PCDHGA6: variants seen among roughly 807,000 people sequenced by gnomAD.
PCDHGA6 encodes protocadherin gamma subfamily A, 6, also known as protocadherin gamma-A6.
PCDHGA6 carries 41 observed loss-of-function variants against 60.6 expected under a neutral mutation model. The observed-to-expected ratio is 0.68, with a 90% CI of 0.53 to 0.88. PCDHGA6 has a LOEUF of 0.88. Among genes scored for constraint, PCDHGA6 ranks in the 40% least tolerant of loss-of-function variants. The pLI, the probability that PCDHGA6 is intolerant of heterozygous loss-of-function variation, is 0.00. For missense variants in PCDHGA6, 1,312 were observed against 1,203.0 expected (o/e 1.09, Z -1.34); for synonymous variants, 594 against 524.4 (o/e 1.13, Z -1.81).
In PCDHGA6 at chr5:141,430,950, T is replaced by A. The variant is rs756423770; in HGVS notation, c.2424+54443T>A. 7 of 1,609,862 alleles carry A rather than the reference T, an allele frequency of 4.3e-6. No individual in the cohort carries two copies. Among genetic ancestry groups the A allele is most frequent in the Non-Finnish European group, 5.1e-6 (6 of 1,178,368 alleles). On this transcript the variant is annotated intron_variant, in intron 1 of 3. Transcript: ENST00000517434. ...CCCCGGGAGCTCGCGGAGCGCGGAG[T>A]CCGCATCATCCCCAGAGGTAGGACG... is the stretch of plus-strand genomic sequence containing the variant.
rs779462820 is a variant in PCDHGA6, at chr5:141,374,112, G to A, written c.29G>A (p.Arg10His). ...GCGCCTCCGCAGAGGCATCCGCAGC[G>A]CAGCGAGCAGGTCCTGCTCCTCACG... MAPPQRHPQRSEQVLLLTLL... is the reference protein window; with the variant it reads MAPPQRHPQHSEQVLLLTLL... Residue 10 changes from arginine to histidine, a missense_variant, in exon 1 of 4, where the codon CGC becomes CAC. Arg to His is a conservative substitution (Grantham distance 29). Coordinates refer to ENST00000517434, the MANE Select transcript of PCDHGA6 (RefSeq NM_018919.3). The A allele has an allele frequency of 5.1e-6, 8 of 1,578,426 alleles. No homozygotes were observed. The African/African-American group carries it at 9.5e-5, about 19-fold the overall frequency.
intron 1 of PCDHGA6, chr5:141,423,658 CA>C: frequency 6.4e-7 from 1 of 1,571,150 alleles, no homozygotes; most frequent in Non-Finnish European, 8.6e-7. Flanking sequence ...GACAAGTAAT[CA>C]GGTGAGATTT....
At position 141,431,424 on chromosome 5, in the gene PCDHGA6, G is replaced by A; in HGVS notation, c.2424+54917G>A. The A allele has an allele frequency of 1.9e-6, 3 of 1,613,676 alleles. No individual in the cohort carries two copies. The highest frequency in any genetic ancestry group is 2.5e-6 in the Non-Finnish European group (3 of 1,180,028). On this transcript the variant is annotated intron_variant, in intron 1 of 3. Coordinates refer to ENST00000517434, the MANE Select transcript of PCDHGA6 (RefSeq NM_018919.3). The surrounding 1 kb of genome is among the most constrained non-coding windows in gnomAD (Gnocchi z 4.8). ...GCCTCCGACGGGGGCGACCCGGTGC[G>A]CACAGGCACCGCGCGCATCCGCGTG... is the stretch of plus-strand genomic sequence containing the variant.
rs70988800 is a variant in PCDHGA6, at chr5:141,379,889, CTTTTTTTTTTTTTTT to C, written c.2424+3398_2424+3412del. On this transcript the variant is annotated intron_variant, in intron 1 of 3. Coordinates refer to ENST00000517434, the MANE Select transcript of PCDHGA6 (RefSeq NM_018919.3). ...CTTATTTTATGGTCTGTGAAAGCCT[CTTTTTTTTTTTTTTT>C]TTTTTTTTTTTTTTTGTCAGAGTCT... Among the ~76,000 whole-genome samples the C allele has an allele frequency of 9.8e-4, 50 of 50,836 alleles. 1 individual carries two copies. Among genetic ancestry groups the C allele is most frequent in the Non-Finnish European group, 5.4e-4 (14 of 25,884 alleles). The allele number at this position is 50,836 out of a possible 152,430, so 33.4% of individuals were successfully genotyped here.
At chr5:141,427,637 C>T (rs771573587) in intron 1 of PCDHGA6, 5 of 707,806 alleles carry the variant, frequency 7.1e-6, no homozygotes, top group Non-Finnish European at 1.3e-5. Context: ...CGGTTTTCCA[C>T]CAAGTCTCCT....
rs758579068 is a variant in PCDHGA6, at chr5:141,485,232, T to C, written c.2425-9575T>C. 6.2e-7 allele frequency: 1 copy of C among 1,614,136 alleles called. No individual in the cohort carries two copies. The highest frequency in any genetic ancestry group is 8.5e-7 in the Non-Finnish European group (1 of 1,180,016). Reference sequence around the variant, plus strand: ...TGGCGGTGGGCTACCCTTTTGTTCCTCTTTTACCACCTGGGTTACGTTTGT... The same window carrying C: ...TGGCGGTGGGCTACCCTTTTGTTCCCCTTTTACCACCTGGGTTACGTTTGT... On this transcript the variant is annotated intron_variant, in intron 1 of 3. Coordinates refer to ENST00000517434, the MANE Select transcript of PCDHGA6 (RefSeq NM_018919.3). This position sits in a 1 kb window ranked among gnomAD's most constrained non-coding sequence, Gnocchi z 5.7.
At chr5:141,384,214 T>A in intron 1 of PCDHGA6, 1 of 1,613,874 alleles carries the variant, frequency 6.2e-7, no homozygotes, top group Non-Finnish European at 8.5e-7. Flanking sequence ...AACTCACATA[T>A]TCATGCAGGT....
At position 141,399,889 on chromosome 5, in the gene PCDHGA6, G is replaced by A. The variant is rs2093912508; in HGVS notation, c.2424+23382G>A. 2.5e-6 allele frequency: 4 copies of A among 1,612,576 alleles called. No homozygotes were observed. In the African/African-American group the frequency reaches 5.3e-5, roughly 22 times the overall value. On this transcript the variant is annotated intron_variant, in intron 1 of 3. Coordinates refer to ENST00000517434, the MANE Select transcript of PCDHGA6 (RefSeq NM_018919.3). Reference sequence around the variant, plus strand: ...GCCCGGCTACCTGGTGACCAAGGTAGTGGCCGTGGACGCAGACTCAGGACA... The same window carrying A: ...GCCCGGCTACCTGGTGACCAAGGTAATGGCCGTGGACGCAGACTCAGGACA...
At chr5:141,413,075 A>G (rs1013709122) in intron 1 of PCDHGA6, 4 of 1,246,610 alleles carry the variant, frequency 3.2e-6, no homozygotes, top group South Asian at 3.1e-5. Context: ...TAAAGTGCCC[A>G]GGCTACAGAG....
intron 1 of PCDHGA6, among the ~76,000 whole-genome samples, chr5:141,479,077 A>G (rs1393042749): frequency 6.6e-6 from 1 of 152,224 alleles, no homozygotes; most frequent in Non-Finnish European, 1.5e-5. Context: ...ATGAAATGAA[A>G]TTCCAGGCAT....
intron 1 of PCDHGA6, chr5:141,403,630 G>A (rs2094436948): frequency 3.1e-6 from 5 of 1,613,786 alleles, no homozygotes; most frequent in Middle Eastern, 3.3e-4. Flanking sequence ...CCAGCACAGT[G>A]CGCATCCATG....
At chr5:141,394,028 G>A (rs758413971) in intron 1 of PCDHGA6, 1 of 1,613,454 alleles carries the variant, frequency 6.2e-7, no homozygotes, top group Admixed American at 1.7e-5. Flanking sequence ...ATAGATTAGT[G>A]ACAAGGAAAT....
At chr5:141,444,531 C>T (rs1021207516) in intron 1 of PCDHGA6, among the ~76,000 whole-genome samples, 2 of 152,100 alleles carry the variant, frequency 1.3e-5, no homozygotes, top group Non-Finnish European at 1.5e-5. Context: ...GAGACAGTGA[C>T]TGTGTCTAGT....
At chr5:141,453,922 T>C (rs2098777315) in intron 1 of PCDHGA6, among the ~76,000 whole-genome samples, 1 of 152,230 alleles carries the variant, frequency 6.6e-6, no homozygotes, top group African/African-American at 2.4e-5. Context: ...CAGTGATCAG[T>C]CACTGTGTGC....
At chr5:141,469,543 C>G (rs1031152008) in intron 1 of PCDHGA6, among the ~76,000 whole-genome samples, 4 of 152,040 alleles carry the variant, frequency 2.6e-5, no homozygotes, top group Non-Finnish European at 4.4e-5. Flanking sequence ...CCACTGCACT[C>G]CAGCCTGGCG....
chr5:141,413,914 A>G (rs776089620), intron 1 of PCDHGA6: 13 of 1,613,234 alleles, frequency 8.1e-6, no homozygotes. Flanking sequence ...GCCGGTCTTC[A>G]CCTTGCCAGA....
intron 1 of PCDHGA6, among the ~76,000 whole-genome samples, chr5:141,464,901 G>A (rs1562002452): frequency 6.6e-6 from 1 of 151,916 alleles, no homozygotes; most frequent in Non-Finnish European, 1.5e-5. Context: ...ACCATGTCCA[G>A]CTAATTTTTT....
Position 141,477,312 on chromosome 5 carries a change from TTACTTC to T in PCDHGA6, c.2425-17493_2425-17488del, listed in dbSNP as rs773034406. Reference sequence around the variant, plus strand: ...GTTCCACCGGGTCTCCCTTTCAGCCTTACTTCTTCCCTCAAGAATTACTTCACTTTG... The same window carrying T: ...GTTCCACCGGGTCTCCCTTTCAGCCTTTCCCTCAAGAATTACTTCACTTTG... On this transcript the variant is annotated intron_variant, in intron 1 of 3. Coordinates refer to ENST00000517434, the MANE Select transcript of PCDHGA6 (RefSeq NM_018919.3). The surrounding 1 kb of genome is among the most constrained non-coding windows in gnomAD (Gnocchi z 4.9). The T allele has an allele frequency of 2.5e-6, 4 of 1,614,162 alleles. No homozygotes were observed. Among genetic ancestry groups the T allele is most frequent in the Non-Finnish European group, 3.4e-6 (4 of 1,180,032 alleles).
chr5:141,487,351 T>A lies in PCDHGA6; in HGVS notation c.2425-7456T>A. 6.2e-7 allele frequency: 1 copy of A among 1,614,210 alleles called. No individual in the cohort carries two copies. The highest frequency in any genetic ancestry group is 8.5e-7 in the Non-Finnish European group (1 of 1,180,038). On this transcript the variant is annotated intron_variant, in intron 1 of 3. Transcript: ENST00000517434. The surrounding 1 kb of genome is among the most constrained non-coding windows in gnomAD (Gnocchi z 5.0). ...GGGCAGCCTGTGGAGTCACATGCTT[T>A]CCTGCTGGCACCTGTGCCTGTCTCA...
Sources: allele counts gnomAD v4.1 joint callset (sites outside exome capture counted in the v4.1 genomes callset), GRCh38; gene constraint gnomAD v4.1.1; non-coding constraint Gnocchi (gnomAD v3.1); transcripts MANE v1.5; gene names NCBI Gene and HGNC (gene_info 2026-07-23, HGNC 2026-07-21).